Variants in MUC5AC observed in about 807,000 individuals in gnomAD.
MUC5AC encodes the protein mucin-5AC.
A neutral mutation model predicts 169.7 loss-of-function variants in MUC5AC; 158 were observed. The observed-to-expected ratio is 0.93, with a 90% confidence interval of 0.82 to 1.06. The LOEUF (loss-of-function observed/expected upper bound fraction) is 1.06, where lower values mean the gene tolerates loss of function less well. Among genes scored for constraint, MUC5AC ranks in the 50% least tolerant of loss-of-function variants. The pLI is 0.00. For synonymous variants in MUC5AC, 1,975 were observed against 1,237.0 expected, an observed-to-expected ratio of 1.60 and a Z score of -12.52; for missense variants, 4,359 against 3,089.9, an observed-to-expected ratio of 1.41 and a Z score of -9.74.
Position 1,164,456 on chromosome 11 carries a change from C to A in MUC5AC, c.1053C>A (p.Cys351Ter). The change falls in exon 9 of 49, where the codon TGC becomes TGA. Residue 351 changes from cysteine to a stop codon, truncating the protein, a stop_gained. Transcript: ENST00000621226. LOFTEE classifies it high-confidence loss of function. Reference sequence around the variant, plus strand: ...AGTACCACGAGTGCCGCTCCCCCTGCGCAGACACCTGCTCCAACCAGGAGC... The same window carrying A: ...AGTACCACGAGTGCCGCTCCCCCTGAGCAGACACCTGCTCCAACCAGGAGC... ...NMQYHECRSPCADTCSNQEHS... is the reference protein window; with the variant it reads ...NMQYHECRSP 6.2e-7 allele frequency: 1 copy of A among 1,611,466 alleles called. No individual in the cohort carries two copies. The highest frequency in any genetic ancestry group is 8.5e-7 in the Non-Finnish European group (1 of 1,179,258).
chr11:1,167,409 C>T (rs534955707), intron 11 of MUC5AC, among the ~76,000 whole-genome samples: 2 of 152,340 alleles, frequency 1.3e-5, no homozygotes, highest in East Asian at 1.9e-4. Context: ...TGATACCCTG[C>T]GCTGGGGTGG....
At position 1,189,596 on chromosome 11, in the gene MUC5AC, C is replaced by G; in HGVS notation, c.11451C>G (p.Ser3817=). The G allele has an allele frequency of 3.3e-6, 2 of 607,424 alleles. No individual in the cohort carries two copies. The highest frequency in any genetic ancestry group is 5.9e-6 in the Non-Finnish European group (2 of 341,748). The allele number at this position is 607,424 out of a possible 1,614,324, so 37.6% of individuals were successfully genotyped here. A position where few individuals can be genotyped will look rare whatever the true frequency, so the allele number is the denominator to read the frequency against. Residue 3817 remains serine, a synonymous_variant, in exon 31 of 49, where the codon TCC becomes TCG. Transcript: ENST00000621226. ...TISSPTTSTT[S]TPQTSTTSSP... Reference sequence around the variant, plus strand: ...CTTCCCCTACAACCAGCACAACCTCCACTCCGCAGACCAGCACAACCTCTT... The same window carrying G: ...CTTCCCCTACAACCAGCACAACCTCGACTCCGCAGACCAGCACAACCTCTT...
intron 20 of MUC5AC, 109 bp from the exon 21 acceptor site, chr11:1,176,405 T>C (rs1860691246): frequency 7.5e-6 from 3 of 398,590 alleles, no homozygotes. Flanking sequence ...GCTCCCGGAC[T>C]CCCTGGTCCT....
In MUC5AC at chr11:1,182,498, T is replaced by A. The variant is rs1311352983; in HGVS notation, c.4353T>A (p.Asp1451Glu). The A allele has an allele frequency of 5.0e-6, 2 of 398,484 alleles. No homozygotes were observed. Among genetic ancestry groups the A allele is most frequent in the African/African-American group, 4.1e-5 (2 of 48,586 alleles). 24.7% of individuals were successfully genotyped at this position (398,484 alleles called of 1,614,324 possible). The change falls in exon 31 of 49, where the codon GAT (aspartate) becomes GAA (glutamate). Residue 1451 changes from aspartate to glutamate, a missense_variant. Coordinates refer to ENST00000621226, the MANE Select transcript of MUC5AC (RefSeq NM_001304359.2). ...GGCAGCGTGTGCAGTGCAGCCCGGA[T>A]GTGGGGCTGACCTGTCGTAACAGGG... ...ALGQRVQCSP[D>E]VGLTCRNREQ...
rs376685184 is a variant in MUC5AC, at chr11:1,192,342, G to T, written c.14197G>T (p.Val4733Leu). 1.3e-6 allele frequency: 1 copy of T among 765,104 alleles called. No homozygotes were observed. Among genetic ancestry groups the T allele is most frequent in the Non-Finnish European group, 2.4e-6 (1 of 417,886 alleles). The allele number at this position is 765,104 out of a possible 1,614,324, so 47.4% of individuals were successfully genotyped here. The change falls in exon 31 of 49, where the codon GTG becomes TTG. Residue 4733 changes from valine (V) to leucine (L), a missense_variant. Physicochemically the swap from Val to Leu is conservative, Grantham distance 32. Transcript: ENST00000621226. ...LCCETPRGCP[V>L]TSVTPYGTSP... The stretch of plus-strand genomic sequence containing the variant: ...CTGCGAGACCCCCAGAGGCTGCCCG[G>T]TGACCTCTGTGACCCCATATGGGAC...
In MUC5AC at chr11:1,192,798, G is replaced by A. The variant is rs760524829; in HGVS notation, c.14396G>A (p.Arg4799His). 6.3e-5 allele frequency: 48 copies of A among 760,934 alleles called. No homozygotes were observed. The highest frequency in any genetic ancestry group is 2.7e-4 in the South Asian group (20 of 74,504). 47.1% of individuals were successfully genotyped at this position (760,934 alleles called of 1,614,324 possible). A position where few individuals can be genotyped will look rare whatever the true frequency, so the allele number is the denominator to read the frequency against. ...RLYPAGSTIY[R>H]HRDLAGHCYY... Reference sequence around the variant, plus strand: ...CCTCTTACAGGATCCACCATATACCGCCACAGAGACCTCGCTGGCCATTGC... The same window carrying A: ...CCTCTTACAGGATCCACCATATACCACCACAGAGACCTCGCTGGCCATTGC... The change falls in exon 32 of 49, where the codon CGC (arginine) becomes CAC (histidine). Residue 4799 changes from arginine (R) to histidine (H), a missense_variant. Transcript: ENST00000621226.
intron 9 of MUC5AC, 54 bp downstream of exon 9, chr11:1,164,586 T>G: frequency 6.5e-7 from 1 of 1,548,244 alleles, no homozygotes; most frequent in Non-Finnish European, 8.7e-7. Context: ...ACTAGGGGGC[T>G]GTGCTCCCAT....
rs1264711773 is a variant in MUC5AC, at chr11:1,175,886, T to C, written c.2402-265T>C. Among the ~76,000 whole-genome samples, 6 of 69,016 alleles carry C rather than the reference T, an allele frequency of 8.7e-5. 1 individual carries two copies. The highest frequency in any genetic ancestry group is 2.5e-4 in the African/African-American group (4 of 16,036). 45.3% of individuals were successfully genotyped at this position (69,016 alleles called of 152,430 possible). On this transcript the variant is annotated intron_variant, in intron 19 of 48. Coordinates refer to ENST00000621226, the MANE Select transcript of MUC5AC (RefSeq NM_001304359.2). ...ACGCTCACACATCCACTCATGCACA[T>C]GCACACACACCCACACATGCACACA... is the stretch of plus-strand genomic sequence containing the variant.
intron 4 of MUC5AC, 110 bp downstream of exon 4, chr11:1,162,278 CCT>C: frequency 6.8e-7 from 1 of 1,476,518 alleles, no homozygotes; most frequent in Non-Finnish European, 9.0e-7. Flanking sequence ...TCAGGAAGCC[CCT>C]GAGAGCAGAG....
At chr11:1,174,065 G>A (rs1022532716) in intron 16 of MUC5AC, among the ~76,000 whole-genome samples, 150,927 of 152,400 alleles carry the variant, frequency 0.99, 74,750 homozygotes, top group East Asian at 1. Context: ...TCCCTCATTC[G>A]TTCCTTCACT....
chr11:1,176,889 C>A, intron 21 of MUC5AC, 39 bp from the exon 22 acceptor site: 1 of 398,604 alleles, frequency 2.5e-6, no homozygotes, highest in Non-Finnish European at 4.4e-6. Context: ...AGGCAGGCAC[C>A]CTGTGTGTGC....
chr11:1,188,258 G>A lies in MUC5AC; in HGVS notation c.10113G>A (p.Gln3371=), dbSNP rs987159434. 4.3e-6 allele frequency: 3 copies of A among 697,700 alleles called. No individual in the cohort carries two copies. In the Admixed American group the frequency reaches 6.1e-5, roughly 14 times the overall value. The allele number at this position is 697,700 out of a possible 1,614,324, so 43.2% of individuals were successfully genotyped here. ...CAACCAGCACAACCTCCACTCCACA[G>A]ACCAGCACAACCTCTGCTCCTACAA... ...LVTTSTTSTP[Q]TSTTSAPTTS... Residue 3371 remains glutamine, a synonymous_variant, in exon 31 of 49, where the codon CAG becomes CAA. Coordinates refer to ENST00000621226, the MANE Select transcript of MUC5AC (RefSeq NM_001304359.2).
chr11:1,194,119 G>C lies in MUC5AC; in HGVS notation c.14765G>C (p.Ser4922Thr). ...CCCTGGGGCCTGGCAGGTGTGTGCA[G>C]CGGCTGGGGTGACCCCCACTACATC... is the stretch of plus-strand genomic sequence containing the variant. The part of the protein sequence containing the change: ...CHHYQCQCVC[S>T]GWGDPHYITF... Residue 4922 changes from serine (S) to threonine (T), a missense_variant, in exon 34 of 49, where the codon AGC becomes ACC. Physicochemically the swap from Ser to Thr is moderately conservative, Grantham distance 58 (BLOSUM62 1). Transcript: ENST00000621226. The C allele has an allele frequency of 1.3e-6, 1 of 764,860 alleles. No homozygotes were observed. Among genetic ancestry groups the C allele is most frequent in the Non-Finnish European group, 2.4e-6 (1 of 417,734 alleles). 47.4% of individuals were successfully genotyped at this position (764,860 alleles called of 1,614,324 possible).
In MUC5AC at chr11:1,176,169, T is replaced by A. The variant is rs1211993112; in HGVS notation, c.2420T>A (p.Val807Glu). Residue 807 changes from valine to glutamate, a missense_variant, in exon 20 of 49, where the codon GTG becomes GAG. Physicochemically the swap from Val to Glu is moderately radical, Grantham distance 121. Coordinates refer to ENST00000621226, the MANE Select transcript of MUC5AC (RefSeq NM_001304359.2). ...TCCCCAGTGTGTGCTGCGCCCATGG[T>A]GTTCTTTGACTGCCGAAATGCCACG... ...APAPVCAAPM[V>E]FFDCRNATPG... 1 of 398,570 alleles carries A rather than the reference T, an allele frequency of 2.5e-6. No homozygotes were observed. Among genetic ancestry groups the A allele is most frequent in the Non-Finnish European group, 4.4e-6 (1 of 226,110 alleles). The allele number at this position is 398,570 out of a possible 1,614,324, so 24.7% of individuals were successfully genotyped here.
intron 30 of MUC5AC, 27 bp from the exon 31 acceptor site, chr11:1,182,128 C>A: frequency 2.5e-6 from 1 of 398,582 alleles, no homozygotes; most frequent in Non-Finnish European, 4.4e-6. Context: ...GCCTCTCATG[C>A]TCAGCTGCCT....
At position 1,190,095 on chromosome 11, in the gene MUC5AC, A is replaced by T. The variant is rs1861051583; in HGVS notation, c.11950A>T (p.Ile3984Phe). 1 of 762,400 alleles carries T rather than the reference A, an allele frequency of 1.3e-6. No homozygotes were observed. Among genetic ancestry groups the T allele is most frequent in the African/African-American group, 1.7e-5 (1 of 59,054 alleles). 47.2% of individuals were successfully genotyped at this position (762,400 alleles called of 1,614,324 possible). A position where few individuals can be genotyped will look rare whatever the true frequency, so the allele number is the denominator to read the frequency against. The change falls in exon 31 of 49, where the codon ATC becomes TTC. Residue 3984 changes from isoleucine (I) to phenylalanine (F), a missense_variant. Coordinates refer to ENST00000621226, the MANE Select transcript of MUC5AC (RefSeq NM_001304359.2). ...GGACAAGGAAACCTACAACAACATC[A>T]TCAGGAGTGGGGAAAAAATCTGCCG... ...GGDKETYNNIIRSGEKICRRP... is the reference protein window; with the variant it reads ...GGDKETYNNIFRSGEKICRRP...
chr11:1,199,815 G>GAGC (rs1423415859), intron 47 of MUC5AC, 40 bp from the exon 48 acceptor site: 1 of 741,550 alleles, frequency 1.3e-6, no homozygotes, highest in African/African-American at 1.7e-5. Context: ...AGAGGTCTAG[G>GAGC]AGCAGCTGGG....
In MUC5AC at chr11:1,191,910, C is replaced by T. The variant is rs75319504; in HGVS notation, c.13765C>T (p.Pro4589Ser). ...SAPTTSTTSG[P>S]GTTPSPVPTT... ...TCCTACAACCAGCACGACCTCTGGT[C>T]CTGGAACTACTCCCAGCCCCGTTCC... The change falls in exon 31 of 49, where the codon CCT becomes TCT. Residue 4589 changes from proline (P) to serine (S), a missense_variant. Transcript: ENST00000621226. The T allele has an allele frequency of 3.9e-6, 3 of 764,970 alleles. No individual in the cohort carries two copies. Among genetic ancestry groups the T allele is most frequent in the East Asian group, 2.4e-5 (1 of 41,232 alleles). 47.4% of individuals were successfully genotyped at this position (764,970 alleles called of 1,614,324 possible).
Position 1,185,300 on chromosome 11 carries a change from C to A in MUC5AC, c.7155C>A (p.Thr2385=), listed in dbSNP as rs1431354899. The A allele has an allele frequency of 0.42, 300,043 of 709,644 alleles. 64,448 individuals carry two copies. Among genetic ancestry groups the A allele is most frequent in the African/African-American group, 0.65 (36,165 of 55,286 alleles). 44.0% of individuals were successfully genotyped at this position (709,644 alleles called of 1,614,324 possible). ...ARTSSTTSAT[T]TSRISGPETT... ...CAAGCAGCACAACCTCTGCCACTACCACCAGCAGAATCTCTGGTCCTGAAA... is the reference window on the plus strand; with the variant it reads ...CAAGCAGCACAACCTCTGCCACTACAACCAGCAGAATCTCTGGTCCTGAAA... Residue 2385 remains threonine, a synonymous_variant, in exon 31 of 49, where the codon ACC becomes ACA. Coordinates refer to ENST00000621226, the MANE Select transcript of MUC5AC (RefSeq NM_001304359.2).
Sources: allele counts gnomAD v4.1 joint callset (sites outside exome capture counted in the v4.1 genomes callset), GRCh38; gene constraint gnomAD v4.1.1; transcripts MANE v1.5; gene names NCBI Gene and HGNC (gene_info 2026-07-23, HGNC 2026-07-21).